ST14: variants seen among roughly 807,000 people sequenced by gnomAD.
ST14 encodes the protein ST14 transmembrane serine protease matriptase.
Under a neutral mutation model 96.5 loss-of-function variants are expected in ST14, and 40 were observed. That is an observed-to-expected ratio of 0.41 (90% CI 0.32 to 0.54). The LOEUF (loss-of-function observed/expected upper bound fraction) is 0.54, where lower values mean the gene tolerates loss of function less well. Ranked by LOEUF, ST14 falls within the 20% of genes least tolerant of loss-of-function variation. ST14 has a pLI of 0.17. For missense variants in ST14, 1,066 were observed against 1,188.9 expected (o/e 0.90, Z 1.52); for synonymous variants, 506 against 492.1 (o/e 1.03, Z -0.37).
At chr11:130,161,671 C>T (rs908270347) in intron 1 of ST14, among the ~76,000 whole-genome samples, 6 of 152,204 alleles carry the variant, frequency 3.9e-5, no homozygotes, top group Non-Finnish European at 7.3e-5. Flanking sequence ...TTTCCTCCTC[C>T]TCTGCGAAGC....
At chr11:130,204,779 A>T (rs1009168416) in intron 16 of ST14, among the ~76,000 whole-genome samples, 4 of 151,866 alleles carry the variant, frequency 2.6e-5, no homozygotes, top group Non-Finnish European at 4.4e-5. Flanking sequence ...ATGCCACTAC[A>T]CTCCAGCCTA....
intron 11 of ST14, among the ~76,000 whole-genome samples, chr11:130,197,520 G>C (rs1953379725): frequency 6.6e-6 from 1 of 152,152 alleles, no homozygotes; most frequent in Non-Finnish European, 1.5e-5. Flanking sequence ...CCAGCACACA[G>C]GGCAGGGCAG....
rs1953514304 is a variant in ST14 at position 130,208,640 on chromosome 11, G to T, written c.2225G>T (p.Gly742Val). 2.5e-6 allele frequency: 4 copies of T among 1,613,832 alleles called. No individual in the cohort carries two copies. Among genetic ancestry groups the T allele is most frequent in the Non-Finnish European group, 3.4e-6 (4 of 1,179,952 alleles). The change falls in exon 17 of 19, where the codon GGC (glycine) becomes GTC (valine). Residue 742 changes from glycine to valine, a missense_variant. By Grantham distance (109) the Gly-to-Val change is moderately radical. Coordinates refer to ENST00000278742, the MANE Select transcript of ST14 (RefSeq NM_021978.4). ...GACGCCTCCCATGTCTTCCCTGCCG[G>T]CAAGGCCATCTGGGTCACGGGCTGG... is the stretch of plus-strand genomic sequence containing the variant. ...LPDASHVFPA[G>V]KAIWVTGWGH...
At chr11:130,167,483 C>T (rs1220536072) in intron 1 of ST14, among the ~76,000 whole-genome samples, 1 of 152,088 alleles carries the variant, frequency 6.6e-6, no homozygotes, top group Non-Finnish European at 1.5e-5. Context: ...TGTGTGCACA[C>T]CTATTCTCCT....
chr11:130,196,731 C>CGG, intron 11 of ST14, 31 bp downstream of exon 11: 1 of 1,614,078 alleles, frequency 6.2e-7, no homozygotes, highest in Non-Finnish European at 8.5e-7. Context: ...GGAGGGCTGG[C>CGG]GGGGGCCTGC....
intron 1 of ST14, among the ~76,000 whole-genome samples, chr11:130,169,519 G>A (rs1287205609): frequency 6.6e-6 from 1 of 152,164 alleles, no homozygotes; most frequent in African/African-American, 2.4e-5. Flanking sequence ...GGGCATCCTC[G>A]TGTTGGAGCT....
intron 1 of ST14, among the ~76,000 whole-genome samples, chr11:130,175,820 C>T (rs1380089241): frequency 6.6e-6 from 1 of 152,134 alleles, no homozygotes; most frequent in African/African-American, 2.4e-5. Flanking sequence ...TGTGCCACCA[C>T]ATCCAGCTAA....
intron 16 of ST14, among the ~76,000 whole-genome samples, chr11:130,208,011 C>T (rs1468554242): frequency 6.6e-6 from 1 of 152,112 alleles, no homozygotes; most frequent in Non-Finnish European, 1.5e-5. Context: ...GTGGAGATTG[C>T]AGTGAGCCGA....
At chr11:130,197,026 C>G (rs1953374196) in intron 11 of ST14, among the ~76,000 whole-genome samples, 1 of 152,170 alleles carries the variant, frequency 6.6e-6, no homozygotes, top group Non-Finnish European at 1.5e-5. Flanking sequence ...ATCATCTGTG[C>G]TTGCCTCTGT....
chr11:130,199,110 T>C lies in ST14; in HGVS notation c.1807+41T>C, dbSNP rs759930769. 6 of 1,596,536 alleles carry C rather than the reference T, an allele frequency of 3.8e-6. No homozygotes were observed. The South Asian group carries it at 4.5e-5, about 12-fold the overall frequency. On this transcript the variant is annotated intron_variant, in intron 15 of 18. Coordinates refer to ENST00000278742, the MANE Select transcript of ST14 (RefSeq NM_021978.4). ...GAGTACGGTTGTGCAGGTTGTTCAC[T>C]GTGTGAAGTGCCCACCAGAGGGTGC...
intron 16 of ST14, among the ~76,000 whole-genome samples, chr11:130,200,542 T>A (rs1698379854): frequency 6.6e-6 from 1 of 152,036 alleles, no homozygotes; most frequent in Non-Finnish European, 1.5e-5. Context: ...ACCAAAACAT[T>A]CATGAGGGAA....
chr11:130,194,781 T>C, intron 9 of ST14, 44 bp downstream of exon 9: 1 of 1,588,876 alleles, frequency 6.3e-7, no homozygotes, highest in Non-Finnish European at 8.6e-7. Flanking sequence ...TGTGAGCATG[T>C]ATGTGCACGT....
At chr11:130,185,403 A>C (rs1953228281) in intron 1 of ST14, among the ~76,000 whole-genome samples, 1 of 152,188 alleles carries the variant, frequency 6.6e-6, no homozygotes, top group Admixed American at 6.5e-5. Flanking sequence ...AGACAGGAAA[A>C]TCACTTTGGG....
chr11:130,186,497 T>C (rs1472630566), intron 1 of ST14, among the ~76,000 whole-genome samples: 1 of 152,170 alleles, frequency 6.6e-6, no homozygotes, highest in East Asian at 1.9e-4. Flanking sequence ...ATTTAACAGA[T>C]GTTACATGTA....
rs911424043 is a variant in ST14 at position 130,187,880 on chromosome 11, C to T, written c.82-234C>T. On this transcript the variant is annotated intron_variant, in intron 1 of 18. Coordinates refer to ENST00000278742, the MANE Select transcript of ST14 (RefSeq NM_021978.4). The surrounding 1 kb of genome is among the most constrained non-coding windows in gnomAD (Gnocchi z 4.5). ...CTGGTGCTGTCCAGACCCTGAGATG[C>T]GTGGTTGGGAAGGCCGACCTCATGT... is the stretch of plus-strand genomic sequence containing the variant. 6.6e-6 allele frequency among the ~76,000 whole-genome samples: 1 copy of T among 152,178 alleles called. No individual in the cohort carries two copies. The highest frequency in any genetic ancestry group is 1.5e-5 in the Non-Finnish European group (1 of 68,036).
chr11:130,185,012 G>A (rs1953225107), intron 1 of ST14, among the ~76,000 whole-genome samples: 1 of 152,184 alleles, frequency 6.6e-6, no homozygotes. Context: ...TTGTGGCAAG[G>A]CATGCACACA....
chr11:130,191,444 C>A (rs1224175290), intron 7 of ST14, among the ~76,000 whole-genome samples: 1 of 152,136 alleles, frequency 6.6e-6, no homozygotes, highest in Non-Finnish European at 1.5e-5. Context: ...AAGCCCAGCA[C>A]TTTGGGAGGC....
In ST14 at chr11:130,204,374, C is replaced by T. The variant is rs777265680; in HGVS notation, c.1995-4036C>T. ...AATTCTTTTAGGCTGTGGAATGGGA[C>T]GCAAAGGATCTCACAAAAACAGCTT... On this transcript the variant is annotated intron_variant, in intron 16 of 18. Transcript: ENST00000278742. 2.0e-5 allele frequency among the ~76,000 whole-genome samples: 3 copies of T among 152,166 alleles called. No individual in the cohort carries two copies. In the East Asian group the frequency reaches 5.8e-4, roughly 29 times the overall value.
In ST14 at chr11:130,190,308, C is replaced by T. The variant is rs1379312998; in HGVS notation, c.635-146C>T. 3.4e-6 allele frequency: 5 copies of T among 1,486,480 alleles called. No homozygotes were observed. In the East Asian group the frequency reaches 1.1e-4, roughly 34 times the overall value. 92.1% of individuals were successfully genotyped at this position (1,486,480 alleles called of 1,614,324 possible). A position where few individuals can be genotyped will look rare whatever the true frequency, so the allele number is the denominator to read the frequency against. ...TCTTCCAGGCCCTTCTGAGAAGCCC[C>T]CTTCCTGATTTCCCGAGGCCCAGGG... On this transcript the variant is annotated intron_variant, in intron 6 of 18. Transcript: ENST00000278742.
Sources: allele counts gnomAD v4.1 joint callset (sites outside exome capture counted in the v4.1 genomes callset), GRCh38; gene constraint gnomAD v4.1.1; non-coding constraint Gnocchi (gnomAD v3.1); transcripts MANE v1.5; gene names NCBI Gene and HGNC (gene_info 2026-07-23, HGNC 2026-07-21).